MEP1B: variants seen among roughly 807,000 people sequenced by gnomAD.
MEP1B encodes the protein N-benzoyl-L-tyrosyl-P-amino-benzoic acid hydrolase subunit beta.
A neutral mutation model predicts 84.6 loss-of-function variants in MEP1B; 80 were observed. The ratio of observed to expected loss-of-function variants is 0.95; its 90% CI spans 0.79 to 1.14. The LOEUF (loss-of-function observed/expected upper bound fraction) is 1.14. Ranked by LOEUF, MEP1B falls within the 50% of genes most tolerant of loss-of-function variation. MEP1B has a pLI of 0.00. For missense variants in MEP1B, 766 were observed against 855.1 expected (o/e 0.90, Z 1.30); for synonymous variants, 273 against 288.1 (o/e 0.95, Z 0.53).
chr18:32,215,684 C>T (rs528497060), intron 12 of MEP1B, among the ~76,000 whole-genome samples: 33 of 151,990 alleles, frequency 2.2e-4, no homozygotes, highest in Admixed American at 1.3e-3. Flanking sequence ...ATTAGCTGGG[C>T]GTGGTGGCGG....
intron 5 of MEP1B, 71 bp from the exon 6 acceptor site, chr18:32,202,822 C>T: frequency 1.1e-6 from 1 of 922,468 alleles, no homozygotes; most frequent in Non-Finnish European, 1.7e-6. Context: ...TTGCAGTGGC[C>T]TGCTTCCATG....
chr18:32,215,173 T>C lies in MEP1B; in HGVS notation c.1671T>C (p.Tyr557=), dbSNP rs2041069648. 6.2e-7 allele frequency: 1 copy of C among 1,612,354 alleles called. No homozygotes were observed. The change falls in exon 12 of 15, where the codon TAT becomes TAC. Residue 557 remains tyrosine, a synonymous_variant. Transcript: ENST00000269202. The part of the protein sequence containing the change: ...NGTQFRRGGG[Y]GTSAFITHER... The stretch of plus-strand genomic sequence containing the variant: ...CTCAGTTTAGAAGAGGTGGGGGCTA[T>C]GGAACCAGTGCCTTTATAACCCACG...
Position 32,210,694 on chromosome 18 carries a change from A to T in MEP1B, c.1113A>T (p.Leu371Phe). ...CTGCAGACAATGTGGATGGCAATTT[A>T]ACCCTTGTGGAAGAAATAAAAGGTA... ...EYSADNVDGN[L>F]TLVEEIKEIP... The change falls in exon 10 of 15, where the codon TTA becomes TTT. Residue 371 changes from leucine (L) to phenylalanine (F), a missense_variant. Leu to Phe is a conservative substitution (Grantham distance 22, BLOSUM62 0). Coordinates refer to ENST00000269202, the MANE Select transcript of MEP1B (RefSeq NM_005925.3). The T allele has an allele frequency of 1.2e-6, 2 of 1,613,612 alleles. No individual in the cohort carries two copies. The highest frequency in any genetic ancestry group is 1.7e-6 in the Non-Finnish European group (2 of 1,179,676).
Position 32,196,103 on chromosome 18 carries a change from C to T in MEP1B, c.250+618C>T, listed in dbSNP as rs2040851075. 2 of 484,660 alleles carry T rather than the reference C, an allele frequency of 4.1e-6. No homozygotes were observed. Among genetic ancestry groups the T allele is most frequent in the Admixed American group, 3.2e-5 (1 of 30,884 alleles). 30.0% of individuals were successfully genotyped at this position (484,660 alleles called of 1,614,324 possible). A position where few individuals can be genotyped will look rare whatever the true frequency, so the allele number is the denominator to read the frequency against. ...AGGTCCTCTGGTGCCCCCGCTGGCT[C>T]GGGCTCGGTGGCCTTGGGCTCCTTG... On this transcript the variant is annotated intron_variant, in intron 5 of 14. Transcript: ENST00000269202. The surrounding 1 kb of genome is among the most constrained non-coding windows in gnomAD (Gnocchi z 4.4).
Position 32,215,108 on chromosome 18 carries a change from C to G in MEP1B, c.1606C>G (p.Pro536Ala). Residue 536 changes from proline to alanine, a missense_variant, in exon 12 of 15, where the codon CCT becomes GCT. Transcript: ENST00000269202. The stretch of plus-strand genomic sequence containing the variant: ...TAATGGAAACTATTTCTGGGACAGG[C>G]CTTCTAAAGTGGGAACAGTGGCTTT... ...TDNGNYFWDR[P>A]SKVGTVALFS... is the part of the protein sequence containing the mutation. The G allele has an allele frequency of 2.5e-6, 4 of 1,599,602 alleles. No homozygotes were observed. Among genetic ancestry groups the G allele is most frequent in the Middle Eastern group, 1.7e-4 (1 of 6,028 alleles).
chr18:32,219,738 G>A lies in MEP1B; in HGVS notation c.2092-493G>A, dbSNP rs1026317945. 4.8e-4 allele frequency among the ~76,000 whole-genome samples: 73 copies of A among 151,964 alleles called. 1 individual carries two copies. The highest frequency in any genetic ancestry group is 4.4e-5 in the Non-Finnish European group (3 of 68,012). ...AGAAGAGAAAGAAGGAAGCTAGGAA[G>A]CTAAGTCAATAAAGCAGGGAAACCA... is the stretch of plus-strand genomic sequence containing the variant. On this transcript the variant is annotated intron_variant, in intron 14 of 14. Coordinates refer to ENST00000269202, the MANE Select transcript of MEP1B (RefSeq NM_005925.3).
At chr18:32,195,061 T>C (rs1056613461) in intron 4 of MEP1B, among the ~76,000 whole-genome samples, 2 of 152,232 alleles carry the variant, frequency 1.3e-5, no homozygotes, top group African/African-American at 2.4e-5. Flanking sequence ...AGATCCAGAT[T>C]ATCAAGGTCT....
Position 32,196,941 on chromosome 18 carries a change from T to G in MEP1B, c.250+1456T>G, listed in dbSNP as rs200762655. 304 of 318,078 alleles carry G rather than the reference T, an allele frequency of 9.6e-4. 2 individuals are homozygous for G. Among genetic ancestry groups the G allele is most frequent in the Non-Finnish European group, 1.5e-3 (248 of 166,446 alleles). The allele number at this position is 318,078 out of a possible 1,614,324, so 19.7% of individuals were successfully genotyped here. On this transcript the variant is annotated intron_variant, in intron 5 of 14. Transcript: ENST00000269202. The surrounding 1 kb of genome is among the most constrained non-coding windows in gnomAD (Gnocchi z 4.4). ...TGCTCCCTACACTTGGTTAAACAGG[T>G]GCAGGGCCTGATTGATGGGCTCACA... is the stretch of plus-strand genomic sequence containing the variant.
At position 32,196,749 on chromosome 18, in the gene MEP1B, A is replaced by G. The variant is rs751040536; in HGVS notation, c.250+1264A>G. On this transcript the variant is annotated intron_variant, in intron 5 of 14. Transcript: ENST00000269202. The surrounding 1 kb of genome is among the most constrained non-coding windows in gnomAD (Gnocchi z 4.4). Reference sequence around the variant, plus strand: ...CAGCTGCCTGCTGGTGAAGCAGTGCAGGGCCAGGTGCATGTTTTCCTGGAT... The same window carrying G: ...CAGCTGCCTGCTGGTGAAGCAGTGCGGGGCCAGGTGCATGTTTTCCTGGAT... The G allele has an allele frequency of 8.2e-5, 53 of 649,054 alleles. No individual in the cohort carries two copies. The highest frequency in any genetic ancestry group is 1.3e-4 in the Non-Finnish European group (47 of 355,940). 40.2% of individuals were successfully genotyped at this position (649,054 alleles called of 1,614,324 possible).
At chr18:32,203,230 A>C (rs957902494) in intron 6 of MEP1B, 3 of 433,580 alleles carry the variant, frequency 6.9e-6, no homozygotes, top group Non-Finnish European at 1.2e-5. Context: ...AGTGGATGGG[A>C]TTGCATGCCA....
chr18:32,214,913 A>G (rs534264416), intron 11 of MEP1B, among the ~76,000 whole-genome samples, 169 bp from the exon 12 acceptor site: 15 of 152,212 alleles, frequency 9.9e-5, no homozygotes, highest in Non-Finnish European at 1.9e-4. Context: ...CTAGGACAGT[A>G]TAAATGAACA....
chr18:32,204,117 G>A (rs536648139), intron 6 of MEP1B, 65 bp from the exon 7 acceptor site: 5 of 1,428,626 alleles, frequency 3.5e-6, no homozygotes, highest in Non-Finnish European at 4.8e-6. Context: ...AGGCAGTGGC[G>A]ATTCTGCCCT....
At chr18:32,195,531 C>G in intron 5 of MEP1B, 46 bp downstream of exon 5, 1 of 1,259,534 alleles carries the variant, frequency 7.9e-7, no homozygotes. Context: ...CTATTTCTGA[C>G]AAAATATGAT....
chr18:32,197,694 A>G (rs532159453), intron 5 of MEP1B, among the ~76,000 whole-genome samples: 1 of 152,314 alleles, frequency 6.6e-6, no homozygotes, highest in South Asian at 2.1e-4. Context: ...TGCTGGGATT[A>G]CAGGTATGAG....
intron 7 of MEP1B, among the ~76,000 whole-genome samples, chr18:32,205,339 G>A (rs1377361413): frequency 6.6e-6 from 1 of 152,186 alleles, no homozygotes; most frequent in Admixed American, 6.5e-5. Context: ...ATTCCACAGT[G>A]ACACTCAGCT....
chr18:32,209,229 G>A (rs1358917874), intron 9 of MEP1B, among the ~76,000 whole-genome samples: 1 of 152,228 alleles, frequency 6.6e-6, no homozygotes, highest in Non-Finnish European at 1.5e-5. Context: ...GCTCATGCCT[G>A]TAATCCCCGG....
At position 32,208,179 on chromosome 18, in the gene MEP1B, T is replaced by C. The variant is rs2040985845; in HGVS notation, c.827T>C (p.Ile276Thr). The C allele has an allele frequency of 6.2e-7, 1 of 1,613,964 alleles. No individual in the cohort carries two copies. Among genetic ancestry groups the C allele is most frequent in the African/African-American group, 1.3e-5 (1 of 75,024 alleles). ...SFELENVCGMIQSSGDNADWQ... is the reference protein window; with the variant it reads ...SFELENVCGMTQSSGDNADWQ... ...GAACTGGAAAATGTGTGTGGCATGA[T>C]CCAAAGTTCAGGAGATAATGCTGAC... The change falls in exon 9 of 15, where the codon ATC becomes ACC. Residue 276 changes from isoleucine to threonine, a missense_variant. Ile to Thr is a moderately conservative substitution (Grantham distance 89). Transcript: ENST00000269202.
intron 10 of MEP1B, among the ~76,000 whole-genome samples, chr18:32,212,291 G>C (rs2041036605): frequency 6.6e-6 from 1 of 151,992 alleles, no homozygotes; most frequent in Non-Finnish European, 1.5e-5. Flanking sequence ...GGTATGTCTA[G>C]CTTATTTTCA....
intron 9 of MEP1B, among the ~76,000 whole-genome samples, chr18:32,210,261 A>G (rs534409277): frequency 6.6e-6 from 1 of 152,330 alleles, no homozygotes; most frequent in Admixed American, 6.5e-5. Context: ...CCCACGGAAA[A>G]CTACTATTGT....
Sources: gnomAD v4.1 joint callset for allele counts (sites outside exome capture counted in the v4.1 genomes callset) on GRCh38, gnomAD v4.1.1 for gene constraint, Gnocchi (gnomAD v3.1) non-coding constraint, MANE v1.5 for transcripts, NCBI Gene and HGNC (gene_info 2026-07-23, HGNC 2026-07-21) for gene names.